The following OCA2 variants were observed in gnomAD, a reference collection of about 807,000 sequenced individuals.
OCA2 encodes OCA2 melanosomal transmembrane protein, also known as P protein.
Under a neutral mutation model 100.2 loss-of-function variants are expected in OCA2, and 77 were observed. The ratio of observed to expected loss-of-function variants is 0.77; its 90% CI spans 0.64 to 0.93. The LOEUF (loss-of-function observed/expected upper bound fraction) is 0.93. Ranked by LOEUF, OCA2 falls within the 40% of genes least tolerant of loss-of-function variation. The pLI is 0.00. For missense variants in OCA2, 1,062 were observed against 1,089.1 expected, an observed-to-expected ratio of 0.98 and a Z score of 0.35; for synonymous variants, 432 against 439.2, an observed-to-expected ratio of 0.98 and a Z score of 0.21.
intron 23 of OCA2, among the ~76,000 whole-genome samples, chr15:27,795,833 C>T (rs1290907397): frequency 1.3e-5 from 2 of 152,180 alleles, no homozygotes; most frequent in Non-Finnish European, 2.9e-5. Context: ...TGTCTCCATC[C>T]ACATCGCTGA....
At chr15:27,976,950 G>A (rs922317583) in intron 14 of OCA2, among the ~76,000 whole-genome samples, 17 of 152,164 alleles carry the variant, frequency 1.1e-4, no homozygotes, top group Middle Eastern at 3.4e-3. Context: ...ATAGATACAG[G>A]GCTACTCAGG....
intron 19 of OCA2, among the ~76,000 whole-genome samples, chr15:27,890,276 T>C (rs2037401080): frequency 6.6e-6 from 1 of 152,188 alleles, no homozygotes; most frequent in Non-Finnish European, 1.5e-5. Flanking sequence ...AGAGCAAGGT[T>C]AGAAAAGTAC....
At chr15:27,769,051 C>T (rs557403394) in intron 23 of OCA2, among the ~76,000 whole-genome samples, 2 of 152,336 alleles carry the variant, frequency 1.3e-5, no homozygotes, top group South Asian at 4.1e-4. Flanking sequence ...GCGGGTTCAC[C>T]GGGAGCCTCC....
At chr15:27,934,478 CT>C (rs1474301653) in intron 18 of OCA2, among the ~76,000 whole-genome samples, 1 of 152,246 alleles carries the variant, frequency 6.6e-6, no homozygotes, top group Non-Finnish European at 1.5e-5. Context: ...ATCACCACAT[CT>C]TTTCTTTAAA....
intron 15 of OCA2, among the ~76,000 whole-genome samples, chr15:27,962,336 T>G (rs1331133174): frequency 6.6e-6 from 1 of 152,318 alleles, no homozygotes; most frequent in Non-Finnish European, 1.5e-5. Context: ...TCATCAGATA[T>G]CCCATGTCTT....
chr15:27,871,109 G>A (rs753460141), intron 21 of OCA2, 45 bp downstream of exon 21: 4 of 1,419,190 alleles, frequency 2.8e-6, no homozygotes, highest in East Asian at 4.5e-5. Flanking sequence ...CCCAGGCTAT[G>A]TCCAGGCTAA....
intron 23 of OCA2, among the ~76,000 whole-genome samples, chr15:27,774,221 T>TG (rs139139735): frequency 0.021 from 3,154 of 152,226 alleles, 112 homozygotes; most frequent in African/African-American, 0.072. Context: ...CACCCCACTG[T>TG]GGGGGGCCAG....
intron 23 of OCA2, among the ~76,000 whole-genome samples, chr15:27,763,268 T>C (rs1320550014): frequency 6.6e-6 from 1 of 152,042 alleles, no homozygotes; most frequent in Admixed American, 6.6e-5. Context: ...GAAAAAAAAA[T>C]TGATAAAATC....
chr15:27,844,885 G>A (rs946142175), intron 23 of OCA2, 74 bp downstream of exon 23: 4 of 1,048,934 alleles, frequency 3.8e-6, no homozygotes, highest in South Asian at 1.3e-5. Context: ...AGCATTTAAT[G>A]TGTTATTTTT....
At chr15:27,807,508 C>T (rs17746990) in intron 23 of OCA2, among the ~76,000 whole-genome samples, 21,577 of 152,032 alleles carry the variant, frequency 0.14, 2,284 homozygotes, top group East Asian at 0.54. Context: ...CATCCACACA[C>T]GTCAGGGAAG....
At chr15:27,963,221 G>A (rs1567163814) in intron 15 of OCA2, among the ~76,000 whole-genome samples, 3 of 152,118 alleles carry the variant, frequency 2.0e-5, no homozygotes, top group Admixed American at 1.3e-4. Flanking sequence ...AATTAAACAA[G>A]TAGATAGAAA....
the OCA2 span, among the ~76,000 whole-genome samples, chr15:27,734,337 C>G: frequency 7.0e-6 from 1 of 142,468 alleles, no homozygotes. Flanking sequence ...GGTTGTAGCA[C>G]AGTCATAAGA....
intron 19 of OCA2, among the ~76,000 whole-genome samples, chr15:27,889,171 T>G (rs1475137668): frequency 6.6e-6 from 1 of 152,192 alleles, no homozygotes; most frequent in Non-Finnish European, 1.5e-5. Flanking sequence ...TTGGGATACA[T>G]TCTCAAAGCA....
At chr15:27,835,547 G>A (rs1379276073) in intron 23 of OCA2, among the ~76,000 whole-genome samples, 5 of 152,222 alleles carry the variant, frequency 3.3e-5, no homozygotes, top group Non-Finnish European at 4.4e-5. Flanking sequence ...CCATGAAGAT[G>A]GTAGAGTTAG....
rs191461948 is a variant in OCA2, at chr15:27,769,364, C to A, written c.2433-13892G>T. ...TGCTGACACACAGTTCTCTAAGGAA[C>A]CAAGGCTTCCGGATTGCTGGGAAAT... On this transcript the variant is annotated intron_variant, in intron 23 of 23. Transcript: ENST00000354638. 8.1e-4 allele frequency among the ~76,000 whole-genome samples: 123 copies of A among 152,332 alleles called. 1 individual carries two copies. In the Middle Eastern group the frequency reaches 0.01, roughly 13 times the overall value.
chr15:27,760,181 T>C (rs2030718232), intron 23 of OCA2, among the ~76,000 whole-genome samples: 1 of 151,798 alleles, frequency 6.6e-6, no homozygotes. Context: ...ACAAGGAAAG[T>C]AAAAAAACCA....
At chr15:27,754,627 G>A (rs550192441), downstream of OCA2, among the ~76,000 whole-genome samples, 15 of 152,304 alleles carry the variant, frequency 9.8e-5, no homozygotes, top group Admixed American at 2.6e-4. Context: ...GAGCCACAGC[G>A]TCCTGCAGGG....
At chr15:27,921,644 C>G (rs1272909565) in intron 19 of OCA2, among the ~76,000 whole-genome samples, 1 of 152,330 alleles carries the variant, frequency 6.6e-6, no homozygotes, top group African/African-American at 2.4e-5. Context: ...TAACTACTAA[C>G]AGCCTACTAT....
chr15:27,922,600 T>A (rs1217267533), intron 19 of OCA2, among the ~76,000 whole-genome samples: 1 of 152,192 alleles, frequency 6.6e-6, no homozygotes, highest in Non-Finnish European at 1.5e-5. Context: ...TGTGTATATT[T>A]TATAGGAGTA....
Sources: allele counts gnomAD v4.1 joint callset (sites outside exome capture counted in the v4.1 genomes callset), GRCh38; gene constraint gnomAD v4.1.1; transcripts MANE v1.5; gene names NCBI Gene and HGNC (gene_info 2026-07-23, HGNC 2026-07-21).